The following CADM2 variants were observed in gnomAD, a reference collection of about 807,000 sequenced individuals.
CADM2 encodes the protein immunoglobulin superfamily member 4D.
A neutral mutation model predicts 49.8 loss-of-function variants in CADM2; 12 were observed. That is an observed-to-expected ratio of 0.24 (90% confidence interval 0.15 to 0.39). The LOEUF (loss-of-function observed/expected upper bound fraction) is 0.39, where lower values mean the gene tolerates loss of function less well. Among genes scored for constraint, CADM2 ranks in the 10% least tolerant of loss-of-function variants. The pLI, the probability that CADM2 is intolerant of heterozygous loss-of-function variation, is 1.00. For missense variants in CADM2, 378 were observed against 492.3 expected (o/e 0.77, Z 2.20); for synonymous variants, 214 against 175.4 (o/e 1.22, Z -1.74).
chr3:85,873,967 A>C (rs1026503108), intron 3 of CADM2, among the ~76,000 whole-genome samples: 1 of 152,092 alleles, frequency 6.6e-6, no homozygotes, highest in Non-Finnish European at 1.5e-5. Flanking sequence ...CCGTAGCAAA[A>C]ATATATTGGC....
intron 7 of CADM2, among the ~76,000 whole-genome samples, chr3:85,941,691 G>C (rs1046605536): frequency 6.6e-6 from 1 of 152,000 alleles, no homozygotes; most frequent in African/African-American, 2.4e-5. Context: ...AGTTTGATGC[G>C]TGTGGGAAAA....
In CADM2 at chr3:86,074,134, C is replaced by T. The variant is rs1274656482; in HGVS notation, c.*7351C>T. 1 of 151,804 alleles carries T rather than the reference C, an allele frequency of 6.6e-6. No homozygotes were observed. The highest frequency in any genetic ancestry group is 1.9e-4 in the East Asian group (1 of 5,172). The allele number at this position is 151,804 out of a possible 1,614,324, so 9.4% of individuals were successfully genotyped here. Reference sequence around the variant, plus strand: ...AAATACCTAAACCTATTTTTTTTAACCTTCACACTCTAACCAGTATTATAT... The same window carrying T: ...AAATACCTAAACCTATTTTTTTTAATCTTCACACTCTAACCAGTATTATAT... On this transcript the variant is annotated 3_prime_UTR_variant, in exon 10 of 10. Coordinates refer to ENST00000383699, the MANE Select transcript of CADM2 (RefSeq NM_001167675.2).
intron 1 of CADM2, among the ~76,000 whole-genome samples, chr3:85,112,788 TA>T (rs2038508580): frequency 6.6e-6 from 1 of 151,790 alleles, no homozygotes; most frequent in Non-Finnish European, 1.5e-5. Flanking sequence ...CATAAAGACA[TA>T]TGTCCCCTTT....
At chr3:85,387,957 T>A (rs2034324241) in intron 1 of CADM2, among the ~76,000 whole-genome samples, 1 of 152,140 alleles carries the variant, frequency 6.6e-6, no homozygotes, top group African/African-American at 2.4e-5. Flanking sequence ...TTAAGTTAGA[T>A]TATCTGCATA....
intron 2 of CADM2, among the ~76,000 whole-genome samples, chr3:85,783,780 T>G (rs886187142): frequency 6.6e-6 from 1 of 152,222 alleles, no homozygotes; most frequent in Non-Finnish European, 1.5e-5. Context: ...GTCGTTTTGA[T>G]TAATGATGGA....
intron 6 of CADM2, among the ~76,000 whole-genome samples, chr3:85,925,994 G>GGGCGTGGT (rs2108514136): frequency 6.6e-6 from 1 of 151,838 alleles, no homozygotes; most frequent in Non-Finnish European, 1.5e-5. Flanking sequence ...AAAAATGACC[G>GGGCGTGGT]GGCGTGGTGG....
intron 1 of CADM2, among the ~76,000 whole-genome samples, chr3:85,717,696 A>T (rs898609336): frequency 6.6e-6 from 1 of 152,088 alleles, no homozygotes; most frequent in African/African-American, 2.4e-5. Context: ...TTATAGCATG[A>T]AGCGTTGTTG....
chr3:85,751,336 A>G (rs931569996), intron 2 of CADM2, among the ~76,000 whole-genome samples: 3 of 152,172 alleles, frequency 2.0e-5, no homozygotes, highest in Admixed American at 6.6e-5. Context: ...ATTTGTTTTC[A>G]GGATTGAAGA....
At chr3:85,213,729 C>G (rs964685487) in intron 1 of CADM2, among the ~76,000 whole-genome samples, 2 of 152,082 alleles carry the variant, frequency 1.3e-5, no homozygotes, top group African/African-American at 4.8e-5. Context: ...AGACTATTTT[C>G]TACTTTTTCT....
At chr3:85,316,048 A>G (rs925018241) in intron 1 of CADM2, among the ~76,000 whole-genome samples, 1 of 152,174 alleles carries the variant, frequency 6.6e-6, no homozygotes, top group Non-Finnish European at 1.5e-5. Context: ...GTGTGCCAAC[A>G]GTAATCCATA....
intron 2 of CADM2, among the ~76,000 whole-genome samples, chr3:85,770,270 A>T (rs1379216681): frequency 6.6e-6 from 1 of 152,138 alleles, no homozygotes; most frequent in African/African-American, 2.4e-5. Flanking sequence ...ACATGGCTGT[A>T]AAAACCACTA....
chr3:85,831,445 C>A (rs1221802370), intron 3 of CADM2, among the ~76,000 whole-genome samples: 3 of 152,014 alleles, frequency 2.0e-5, no homozygotes, highest in African/African-American at 7.2e-5. Context: ...TACATTCCCA[C>A]AAACAGTTTG....
chr3:85,054,472 G>A (rs1037750264), intron 1 of CADM2, among the ~76,000 whole-genome samples: 1 of 151,866 alleles, frequency 6.6e-6, no homozygotes, highest in Admixed American at 6.6e-5. Flanking sequence ...GGTGACAAGG[G>A]ATAATTAAGG....
chr3:85,786,561 T>C (rs1359452076), intron 2 of CADM2, among the ~76,000 whole-genome samples: 3 of 152,118 alleles, frequency 2.0e-5, no homozygotes, highest in Non-Finnish European at 4.4e-5. Flanking sequence ...ACCACTGTGT[T>C]ATTTTACATT....
intron 2 of CADM2, among the ~76,000 whole-genome samples, chr3:85,764,924 G>T (rs1216625633): frequency 1.3e-5 from 2 of 151,974 alleles, no homozygotes; most frequent in African/African-American, 2.4e-5. Context: ...GGTGAAGTTA[G>T]TAATGGGTAT....
At chr3:84,984,303 C>G (rs1209353841) in intron 1 of CADM2, among the ~76,000 whole-genome samples, 1 of 130,110 alleles carries the variant, frequency 7.7e-6, no homozygotes, top group Admixed American at 9.2e-5. Flanking sequence ...CCTTCTGCAT[C>G]TTTGCAATTC....
chr3:85,624,095 A>T (rs1198951992), intron 1 of CADM2, among the ~76,000 whole-genome samples: 3 of 152,170 alleles, frequency 2.0e-5, no homozygotes, highest in Non-Finnish European at 2.9e-5. Flanking sequence ...ATATTTAAAA[A>T]CATTAAACAG....
intron 1 of CADM2, among the ~76,000 whole-genome samples, chr3:85,118,689 T>C (rs2038735922): frequency 1.3e-5 from 2 of 152,184 alleles, no homozygotes; most frequent in South Asian, 4.1e-4. Flanking sequence ...CCAAACCATA[T>C]CACCATGTTT....
intron 1 of CADM2, among the ~76,000 whole-genome samples, chr3:85,276,133 C>G (rs2043351706): frequency 6.6e-6 from 1 of 151,128 alleles, no homozygotes; most frequent in South Asian, 2.1e-4. Flanking sequence ...ATCACTTGTT[C>G]TAGTATCTCT....
Sources: allele counts gnomAD v4.1 joint callset (sites outside exome capture counted in the v4.1 genomes callset), GRCh38; gene constraint gnomAD v4.1.1; transcripts MANE v1.5; gene names NCBI Gene and HGNC (gene_info 2026-07-23, HGNC 2026-07-21).